KIAA1958: variants seen among roughly 807,000 people sequenced by gnomAD.
KIAA1958 encodes KIAA1958.
KIAA1958 carries 14 observed loss-of-function variants against 47.2 expected under a neutral mutation model. The observed-to-expected ratio is 0.30, with a 90% confidence interval of 0.20 to 0.46. The LOEUF (loss-of-function observed/expected upper bound fraction) is 0.46, where lower values mean the gene tolerates loss of function less well. Ranked by LOEUF, KIAA1958 falls within the 20% of genes least tolerant of loss-of-function variation. KIAA1958 has a pLI of 1.00. For synonymous variants in KIAA1958, 354 were observed against 353.3 expected (o/e 1.00, Z -0.02); for missense variants, 803 against 909.2 (o/e 0.88, Z 1.50).
chr9:112,653,441 C>T lies in KIAA1958; in HGVS notation c.1345-5822C>T, dbSNP rs1034440618. Among the ~76,000 whole-genome samples the T allele has an allele frequency of 2.0e-5, 3 of 152,122 alleles. 1 individual carries two copies. The East Asian group carries it at 5.8e-4, about 29-fold the overall frequency. ...GTTCATGATTTGATGAGTGAGTTAGCGTTTTGTACTGAGCTCAGCTGAGTA... is the reference window on the plus strand; with the variant it reads ...GTTCATGATTTGATGAGTGAGTTAGTGTTTTGTACTGAGCTCAGCTGAGTA... On this transcript the variant is annotated intron_variant, in intron 3 of 3. Coordinates refer to ENST00000337530, the MANE Select transcript of KIAA1958 (RefSeq NM_133465.4).
chr9:112,491,414 C>T (rs1198439444), intron 1 of KIAA1958, among the ~76,000 whole-genome samples: 1 of 152,156 alleles, frequency 6.6e-6, no homozygotes, highest in Non-Finnish European at 1.5e-5. Context: ...GGAGTAGCTC[C>T]CCCCTTGGTT....
chr9:112,637,748 A>G (rs1036192231), intron 2 of KIAA1958, among the ~76,000 whole-genome samples: 3 of 152,240 alleles, frequency 2.0e-5, no homozygotes, highest in African/African-American at 4.8e-5. Context: ...TTAGCATACT[A>G]AAGATATCAT....
chr9:112,647,698 C>T (rs774702761), intron 3 of KIAA1958, among the ~76,000 whole-genome samples: 6 of 152,202 alleles, frequency 3.9e-5, no homozygotes, highest in Non-Finnish European at 5.9e-5. Flanking sequence ...AAACCAGACA[C>T]AACATGTGAA....
At chr9:112,641,716 C>T (rs966371800) in intron 2 of KIAA1958, among the ~76,000 whole-genome samples, 1 of 152,024 alleles carries the variant, frequency 6.6e-6, no homozygotes, top group Non-Finnish European at 1.5e-5. Flanking sequence ...ATGTCTTTGC[C>T]TGCCCTGTAG....
intron 2 of KIAA1958, among the ~76,000 whole-genome samples, chr9:112,606,864 A>G (rs1397851745): frequency 2.0e-5 from 3 of 152,336 alleles, no homozygotes; most frequent in South Asian, 4.1e-4. Context: ...AGTTACAGCA[A>G]TCTCATTCAA....
chr9:112,605,882 C>T (rs1836225657), intron 2 of KIAA1958, among the ~76,000 whole-genome samples: 1 of 152,164 alleles, frequency 6.6e-6, no homozygotes, highest in South Asian at 2.1e-4. Flanking sequence ...GTCACTTATC[C>T]TCTCTGATAA....
At position 112,618,921 on chromosome 9, in the gene KIAA1958, G is replaced by T. The variant is rs909840991; in HGVS notation, c.1172-26729G>T. 3 of 1,519,370 alleles carry T rather than the reference G, an allele frequency of 2.0e-6. No homozygotes were observed. The highest frequency in any genetic ancestry group is 1.4e-5 in the African/African-American group (1 of 72,614). The allele number at this position is 1,519,370 out of a possible 1,614,324, so 94.1% of individuals were successfully genotyped here. Reference sequence around the variant, plus strand: ...TCTTCCTCAGACACCGCTTGACCAGGTGGCTTGAGCAAGACTCCAGTTTGG... The same window carrying T: ...TCTTCCTCAGACACCGCTTGACCAGTTGGCTTGAGCAAGACTCCAGTTTGG... On this transcript the variant is annotated intron_variant, in intron 2 of 3. Transcript: ENST00000337530. This position sits in a 1 kb window ranked among gnomAD's most constrained non-coding sequence, Gnocchi z 7.1.
At chr9:112,595,120 G>C (rs1440297422) in intron 2 of KIAA1958, among the ~76,000 whole-genome samples, 2 of 152,130 alleles carry the variant, frequency 1.3e-5, no homozygotes, top group Non-Finnish European at 2.9e-5. Flanking sequence ...ACCTGTTTCT[G>C]ACCTCCTTCA....
intron 2 of KIAA1958, among the ~76,000 whole-genome samples, chr9:112,607,475 A>C (rs937110846): frequency 6.6e-6 from 1 of 152,088 alleles, no homozygotes; most frequent in African/African-American, 2.4e-5. Flanking sequence ...TGGGGAACTT[A>C]GGTTGGTGGT....
intron 1 of KIAA1958, 34 bp from the exon 2 acceptor site, chr9:112,574,023 A>G: frequency 8.7e-7 from 1 of 1,143,024 alleles, no homozygotes; most frequent in Non-Finnish European, 1.3e-6. Context: ...ATCTTGGGTA[A>G]TAATGGCTTC....
At chr9:112,638,610 A>C (rs1254768629) in intron 2 of KIAA1958, among the ~76,000 whole-genome samples, 4 of 152,152 alleles carry the variant, frequency 2.6e-5, no homozygotes, top group Non-Finnish European at 5.9e-5. Flanking sequence ...TTGCTTGGTT[A>C]GGAAAGCTTC....
intron 2 of KIAA1958, among the ~76,000 whole-genome samples, chr9:112,579,650 G>A (rs1564179753): frequency 1.3e-5 from 2 of 151,708 alleles, no homozygotes; most frequent in African/African-American, 4.8e-5. Flanking sequence ...ATAAATTTAT[G>A]GTGATTGTAT....
rs1165631845 is a variant in KIAA1958 at position 112,574,313 on chromosome 9, G to A, written c.233G>A (p.Arg78Lys). Residue 78 changes from arginine to lysine, a missense_variant, in exon 2 of 4, where the codon AGA (arginine) becomes AAA (lysine). Arg to Lys is a conservative substitution (Grantham distance 26, BLOSUM62 2). Transcript: ENST00000337530. Reference sequence around the variant, plus strand: ...GAGAGGGTCTGTTTCCAGGATAACAGAAGTTTTAACTCTGATAGTCCCAGT... The same window carrying A: ...GAGAGGGTCTGTTTCCAGGATAACAAAAGTTTTAACTCTGATAGTCCCAGT... ...SQERVCFQDNRSFNSDSPSII... is the reference protein window; with the variant it reads ...SQERVCFQDNKSFNSDSPSII... The A allele has an allele frequency of 6.2e-7, 1 of 1,614,146 alleles. No individual in the cohort carries two copies. Among genetic ancestry groups the A allele is most frequent in the Admixed American group, 1.7e-5 (1 of 60,018 alleles).
chr9:112,632,394 A>G (rs1836725403), intron 2 of KIAA1958, among the ~76,000 whole-genome samples: 5 of 151,990 alleles, frequency 3.3e-5, no homozygotes, highest in Admixed American at 3.3e-4. Context: ...TTTGGTGATC[A>G]TCTTTGTTCA....
intron 2 of KIAA1958, among the ~76,000 whole-genome samples, chr9:112,599,481 A>T (rs1836091484): frequency 6.6e-6 from 1 of 152,184 alleles, no homozygotes; most frequent in Non-Finnish European, 1.5e-5. Context: ...AATGTTCAAT[A>T]AAAACTTTTT....
intron 2 of KIAA1958, among the ~76,000 whole-genome samples, chr9:112,590,765 A>G (rs1835907358): frequency 6.6e-6 from 1 of 152,160 alleles, no homozygotes; most frequent in Non-Finnish European, 1.5e-5. Flanking sequence ...GAATTTTGAA[A>G]CATGTAGTTG....
rs565354310 is a variant in KIAA1958 at position 112,668,718 on chromosome 9, G to A, written c.*8649G>A. 2.0e-5 allele frequency: 3 copies of A among 152,276 alleles called. No homozygotes were observed. The highest frequency in any genetic ancestry group is 7.2e-5 in the African/African-American group (3 of 41,562). 9.4% of individuals were successfully genotyped at this position (152,276 alleles called of 1,614,324 possible). ...TGCTTTAAATTTAGCAATAGAATAG[G>A]CAATGGACTGCTTTGCATTTCCTTA... On this transcript the variant is annotated 3_prime_UTR_variant, in exon 4 of 4. Coordinates refer to ENST00000337530, the MANE Select transcript of KIAA1958 (RefSeq NM_133465.4).
At chr9:112,622,444 G>A (rs1409106559) in intron 2 of KIAA1958, among the ~76,000 whole-genome samples, 1 of 152,200 alleles carries the variant, frequency 6.6e-6, no homozygotes, top group Admixed American at 6.5e-5. Context: ...CCATATTCAT[G>A]TGAGTGACTC....
chr9:112,595,411 A>C (rs1836002947), intron 2 of KIAA1958, among the ~76,000 whole-genome samples: 1 of 152,178 alleles, frequency 6.6e-6, no homozygotes, highest in Non-Finnish European at 1.5e-5. Flanking sequence ...CTGTAATCCC[A>C]GCACTTTGGG....
Sources: allele counts gnomAD v4.1 joint callset (sites outside exome capture counted in the v4.1 genomes callset), GRCh38; gene constraint gnomAD v4.1.1; non-coding constraint Gnocchi (gnomAD v3.1); transcripts MANE v1.5; gene names NCBI Gene and HGNC (gene_info 2026-07-23, HGNC 2026-07-21).